Variants in SFXN1 observed in about 807,000 individuals in gnomAD.
SFXN1 encodes sideroflexin-1.
Under a neutral mutation model 39.5 loss-of-function variants are expected in SFXN1, and 32 were observed. The observed-to-expected ratio is 0.81, with a 90% CI of 0.61 to 1.09. The LOEUF (loss-of-function observed/expected upper bound fraction) is 1.09. Ranked by LOEUF, SFXN1 falls within the 50% of genes least tolerant of loss-of-function variation. The pLI is 0.00. For synonymous variants in SFXN1, 136 were observed against 146.5 expected (o/e 0.93, Z 0.52); for missense variants, 402 against 407.1 (o/e 0.99, Z 0.11).
intron 2 of SFXN1, among the ~76,000 whole-genome samples, chr5:175,506,293 C>G (rs571928716): frequency 7.1e-4 from 108 of 152,222 alleles, no homozygotes; most frequent in Non-Finnish European, 1.3e-3. Context: ...GCAGATAACA[C>G]AACCAAAAAA....
chr5:175,514,103 G>C (rs1760636242), intron 7 of SFXN1, among the ~76,000 whole-genome samples: 1 of 152,128 alleles, frequency 6.6e-6, no homozygotes. Context: ...GGTTTTATCT[G>C]TGTGACTCTG....
At chr5:175,497,849 G>C (rs1759911884) in intron 2 of SFXN1, among the ~76,000 whole-genome samples, 1 of 149,550 alleles carries the variant, frequency 6.7e-6, no homozygotes. Context: ...AGAATTGCTT[G>C]AACCCAGGAG....
chr5:175,507,497 C>T (rs1388801882), intron 2 of SFXN1, among the ~76,000 whole-genome samples: 1 of 152,136 alleles, frequency 6.6e-6, no homozygotes, highest in Non-Finnish European at 1.5e-5. Flanking sequence ...CATTTAGCTT[C>T]TAGAGGAGAG....
intron 8 of SFXN1, among the ~76,000 whole-genome samples, chr5:175,520,888 C>T (rs1292299237): frequency 6.6e-6 from 1 of 151,766 alleles, no homozygotes; most frequent in South Asian, 2.1e-4. Context: ...AGGAGAGGGG[C>T]CCCTCTGTGT....
At chr5:175,492,435 C>G in intron 2 of SFXN1, 168 bp downstream of exon 2, 1 of 587,918 alleles carries the variant, frequency 1.7e-6, no homozygotes, top group African/African-American at 1.9e-5. Context: ...GTTATATCCC[C>G]CATTGCTCGC....
chr5:175,524,794 AGAG>A (rs1046204684), intron 10 of SFXN1, among the ~76,000 whole-genome samples: 24 of 152,160 alleles, frequency 1.6e-4, no homozygotes, highest in African/African-American at 4.3e-4. Context: ...CAAAACAAAA[AGAG>A]AAAGAGAAAA....
chr5:175,484,684 C>G (rs991434266), intron 1 of SFXN1, among the ~76,000 whole-genome samples: 2 of 152,370 alleles, frequency 1.3e-5, no homozygotes, highest in South Asian at 2.1e-4. Flanking sequence ...CTCCTCAGCC[C>G]AGGCCCCGTG....
intron 3 of SFXN1, 36 bp from the exon 4 acceptor site, chr5:175,510,073 G>T: frequency 6.4e-7 from 1 of 1,573,176 alleles, no homozygotes; most frequent in Non-Finnish European, 8.7e-7. Context: ...GCTGGGCCCA[G>T]TGATGGTGGG....
At chr5:175,522,778 G>A (rs1340032289) in intron 10 of SFXN1, 2 of 184,924 alleles carry the variant, frequency 1.1e-5, no homozygotes, top group African/African-American at 4.7e-5. Flanking sequence ...TCCACCCCCA[G>A]GGACAGCAAT....
chr5:175,522,459 T>G (rs368978628), intron 10 of SFXN1, 37 bp downstream of exon 10: 7 of 1,596,942 alleles, frequency 4.4e-6, no homozygotes, highest in Non-Finnish European at 6.0e-6. Flanking sequence ...ATCATGAGTA[T>G]TAATCCTAAA....
intron 3 of SFXN1, 137 bp downstream of exon 3, chr5:175,509,339 T>G (rs1296144454): frequency 2.6e-6 from 2 of 763,004 alleles, no homozygotes; most frequent in Admixed American, 6.3e-5. Flanking sequence ...TTAGCTTGAT[T>G]GAATCATTCC....
Position 175,509,108 on chromosome 5 carries a change from C to T in SFXN1, c.241C>T (p.Pro81Ser), listed in dbSNP as rs749414919. 4 of 1,613,952 alleles carry T rather than the reference C, an allele frequency of 2.5e-6. No individual in the cohort carries two copies. The highest frequency in any genetic ancestry group is 3.4e-6 in the Non-Finnish European group (4 of 1,179,940). The change falls in exon 3 of 11, where the codon CCT becomes TCT. Residue 81 changes from proline (P) to serine (S), a missense_variant. Pro to Ser is a moderately conservative substitution (Grantham distance 74). Transcript: ENST00000321442. ...AKYIYDSAFH[P>S]DTGEKMILIG... ...GTACATCTATGATTCAGCTTTTCATCCTGACACTGGTGAGAAGATGATTTT... is the reference window on the plus strand; with the variant it reads ...GTACATCTATGATTCAGCTTTTCATTCTGACACTGGTGAGAAGATGATTTT...
intron 8 of SFXN1, among the ~76,000 whole-genome samples, chr5:175,518,281 T>C (rs1403387212): frequency 6.6e-6 from 1 of 152,244 alleles, no homozygotes; most frequent in African/African-American, 2.4e-5. Flanking sequence ...TAAGTTCTAA[T>C]TCTTTTATAT....
chr5:175,487,214 C>T (rs1759482593), intron 1 of SFXN1, among the ~76,000 whole-genome samples: 1 of 152,200 alleles, frequency 6.6e-6, no homozygotes, highest in Non-Finnish European at 1.5e-5. Context: ...TTATGCTGGA[C>T]CTCCTGGATC....
chr5:175,526,740 G>C lies in SFXN1; in HGVS notation c.*6G>C. 3 of 1,610,446 alleles carry C rather than the reference G, an allele frequency of 1.9e-6. No homozygotes were observed. In the South Asian group the frequency reaches 3.3e-5, roughly 18 times the overall value. On this transcript the variant is annotated 3_prime_UTR_variant, in exon 11 of 11. Transcript: ENST00000321442. Reference sequence around the variant, plus strand: ...ACTTCAATAAGGGATTGTAAAGCAGGGAGGAAACCTCTGCAGCTCATTCTG... The same window carrying C: ...ACTTCAATAAGGGATTGTAAAGCAGCGAGGAAACCTCTGCAGCTCATTCTG...
intron 2 of SFXN1, among the ~76,000 whole-genome samples, chr5:175,495,969 C>T (rs1467629365): frequency 4.1e-5 from 6 of 146,446 alleles, no homozygotes; most frequent in Non-Finnish European, 9.0e-5. Context: ...GGCGCAATCT[C>T]GGCTCACAGC....
rs1319257171 is a variant in SFXN1 at position 175,528,806 on chromosome 5, G to A, written c.*2072G>A. 4 of 152,192 alleles carry A rather than the reference G, an allele frequency of 2.6e-5. No individual in the cohort carries two copies. The East Asian group carries it at 7.7e-4, about 29-fold the overall frequency. 9.4% of individuals were successfully genotyped at this position (152,192 alleles called of 1,614,324 possible). A position where few individuals can be genotyped will look rare whatever the true frequency, so the allele number is the denominator to read the frequency against. On this transcript the variant is annotated 3_prime_UTR_variant, in exon 11 of 11. Transcript: ENST00000321442. Reference sequence around the variant, plus strand: ...TGTCCTCGACGCGTCTCTTTATAAAGTGGTAAAAGCCTGAAATTCAGGGCA... The same window carrying A: ...TGTCCTCGACGCGTCTCTTTATAAAATGGTAAAAGCCTGAAATTCAGGGCA...
In SFXN1 at chr5:175,488,541, C is replaced by T. The variant is rs1462917483; in HGVS notation, c.-9-3554C>T. On this transcript the variant is annotated intron_variant, in intron 1 of 10. Coordinates refer to ENST00000321442, the MANE Select transcript of SFXN1 (RefSeq NM_022754.7). Reference sequence around the variant, plus strand: ...CTCGAACTCCTGACCTCAGGTGATCCGCCCGCCTCGGCCTTCCAAAGTGCT... The same window carrying T: ...CTCGAACTCCTGACCTCAGGTGATCTGCCCGCCTCGGCCTTCCAAAGTGCT... Among the ~76,000 whole-genome samples the T allele has an allele frequency of 3.3e-5, 5 of 152,110 alleles. 1 individual carries two copies. The highest frequency in any genetic ancestry group is 4.1e-4 in the South Asian group (2 of 4,834).
intron 7 of SFXN1, among the ~76,000 whole-genome samples, chr5:175,514,942 T>G (rs1760668357): frequency 6.6e-6 from 1 of 152,206 alleles, no homozygotes; most frequent in African/African-American, 2.4e-5. Context: ...CCGGTGTTCC[T>G]ACTGAGCCCT....
Sources: gnomAD v4.1 joint callset for allele counts (sites outside exome capture counted in the v4.1 genomes callset) on GRCh38, gnomAD v4.1.1 for gene constraint, MANE v1.5 for transcripts, NCBI Gene and HGNC (gene_info 2026-07-23, HGNC 2026-07-21) for gene names.